The following RNF17 variants were observed in gnomAD, a reference collection of about 807,000 sequenced individuals.
RNF17 encodes the protein spermatogenesis associated 23.
In RNF17, 31 loss-of-function variants were observed where a neutral mutation model predicts 200.5. The ratio of observed to expected loss-of-function variants is 0.15; its 90% CI spans 0.12 to 0.21. The LOEUF (loss-of-function observed/expected upper bound fraction) is 0.21, where lower values mean the gene tolerates loss of function less well. Ranked by LOEUF, RNF17 falls within the 10% of genes least tolerant of loss-of-function variation. The pLI, the probability that RNF17 is intolerant of heterozygous loss-of-function variation, is 1.00. For missense variants in RNF17, 1,628 were observed against 1,905.1 expected (o/e 0.85, Z 2.71); for synonymous variants, 606 against 637.8 (o/e 0.95, Z 0.75).
At chr13:24,804,161 C>A in intron 14 of RNF17, 127 bp from the exon 15 acceptor site, 1 of 780,600 alleles carries the variant, frequency 1.3e-6, no homozygotes, top group Admixed American at 2.8e-5. Context: ...ACTTGGGAGG[C>A]TGAGGTGGGA....
rs1482612171 is a variant in RNF17 at position 24,827,709 on chromosome 13, AAAAAAAAAC to A, written c.2245+1946_2245+1954del. 5.0e-4 allele frequency among the ~76,000 whole-genome samples: 66 copies of A among 132,866 alleles called. 2 individuals carry two copies. The highest frequency in any genetic ancestry group is 1.2e-3 in the African/African-American group (37 of 29,740). The allele number at this position is 132,866 out of a possible 152,430, so 87.2% of individuals were successfully genotyped here. On this transcript the variant is annotated intron_variant, in intron 16 of 35. Transcript: ENST00000255324. Reference sequence around the variant, plus strand: ...AGAGCGAGACTCCGTCTCAAAAAAAAAAAAAAAACAAAAAAAAAAAAACAATAGAAATTT... The same window carrying A: ...AGAGCGAGACTCCGTCTCAAAAAAAAAAAAAAAAAAAAACAATAGAAATTT...
chr13:24,859,791 TTGA>T lies in RNF17; in HGVS notation c.3774+635_3774+637del, dbSNP rs1243927060. Among the ~76,000 whole-genome samples, 5 of 152,104 alleles carry T rather than the reference TTGA, an allele frequency of 3.3e-5. No homozygotes were observed. The East Asian group carries it at 9.6e-4, about 29-fold the overall frequency. On this transcript the variant is annotated intron_variant, in intron 26 of 35. Transcript: ENST00000255324. ...ACCTGGACAGGAGTTTATTTTCTGT[TTGA>T]TGATGATAACTAATGATTACATAGC...
intron 9 of RNF17, among the ~76,000 whole-genome samples, chr13:24,791,347 G>A (rs532318360): frequency 6.6e-6 from 1 of 152,250 alleles, no homozygotes; most frequent in East Asian, 1.9e-4. Context: ...GAGGCATGAG[G>A]AAAAGGGAAG....
rs540729598 is a variant in RNF17, at chr13:24,789,327, GA to G, written c.784-20del. The stretch of plus-strand genomic sequence containing the variant: ...TTTGTGACAAGATTCACACATGAAT[GA>G]TTTTTTTTTTAAATTCTAGATTATC... On this transcript the variant is annotated intron_variant, in intron 7 of 35. Coordinates refer to ENST00000255324, the MANE Select transcript of RNF17 (RefSeq NM_031277.3). 167 of 1,476,744 alleles carry G rather than the reference GA, an allele frequency of 1.1e-4. No homozygotes were observed. In the East Asian group the frequency reaches 3.5e-3, roughly 31 times the overall value. 91.5% of individuals were successfully genotyped at this position (1,476,744 alleles called of 1,614,324 possible).
chr13:24,771,400 G>A lies in RNF17; in HGVS notation c.226-3413G>A, dbSNP rs78480172. On this transcript the variant is annotated intron_variant, in intron 2 of 35. Transcript: ENST00000255324. ...GGCTAGGCTAGGTCCTTGCTATGTTGCCCAGGCTGGTCACGCCTTAGCCTT... is the reference window on the plus strand; with the variant it reads ...GGCTAGGCTAGGTCCTTGCTATGTTACCCAGGCTGGTCACGCCTTAGCCTT... Among the ~76,000 whole-genome samples, 107 of 121,260 alleles carry A rather than the reference G, an allele frequency of 8.8e-4. 1 individual carries two copies. In the East Asian group the frequency reaches 0.028, roughly 31 times the overall value. The allele number at this position is 121,260 out of a possible 152,430, so 79.6% of individuals were successfully genotyped here.
intron 32 of RNF17, among the ~76,000 whole-genome samples, chr13:24,872,135 T>C (rs1894352388): frequency 6.6e-6 from 1 of 151,698 alleles, no homozygotes; most frequent in Non-Finnish European, 1.5e-5. Flanking sequence ...TAATTTTGTA[T>C]TTTTAGTAGA....
At chr13:24,868,785 G>A (rs929972257) in intron 31 of RNF17, 69 bp downstream of exon 31, 2 of 811,168 alleles carry the variant, frequency 2.5e-6, no homozygotes, top group Non-Finnish European at 4.2e-6. Flanking sequence ...AACACTATAA[G>A]TGACTCTTCA....
rs201260951 is a variant in RNF17, at chr13:24,788,178, A to G, written c.783+19A>G. 111 of 1,543,198 alleles carry G rather than the reference A, an allele frequency of 7.2e-5. No homozygotes were observed. In the East Asian group the frequency reaches 1.6e-3, roughly 22 times the overall value. On this transcript the variant is annotated intron_variant, in intron 7 of 35. Transcript: ENST00000255324. ...GAATCAGGTAATTTAATAGTTCACA[A>G]TGTGAGTTATTTCTGTGGTAGCTTA...
intron 9 of RNF17, among the ~76,000 whole-genome samples, chr13:24,791,984 C>T (rs1190514171): frequency 6.6e-6 from 1 of 152,118 alleles, no homozygotes; most frequent in African/African-American, 2.4e-5. Flanking sequence ...GAGGGAAGAC[C>T]TTGCCAGAGG....
At chr13:24,830,207 T>G (rs1432420689) in intron 16 of RNF17, among the ~76,000 whole-genome samples, 1 of 152,220 alleles carries the variant, frequency 6.6e-6, no homozygotes, top group Non-Finnish European at 1.5e-5. Context: ...AGCCTGATTC[T>G]TAACTTTTAA....
At chr13:24,791,020 T>C (rs1446295) in intron 9 of RNF17, among the ~76,000 whole-genome samples, 149,564 of 152,300 alleles carry the variant, frequency 0.98, 73,477 homozygotes, top group Middle Eastern at 1. Flanking sequence ...TTAGACAATG[T>C]GGCATATTTC....
chr13:24,884,431 A>G, downstream of RNF17: 1 of 1,614,132 alleles, frequency 6.2e-7, no homozygotes, highest in Non-Finnish European at 8.5e-7. Flanking sequence ...GAAACAGTAT[A>G]ACACGGCACC....
At chr13:24,761,356 T>C (rs1003167055), upstream of RNF17, among the ~76,000 whole-genome samples, 1 of 152,208 alleles carries the variant, frequency 6.6e-6, no homozygotes, top group Non-Finnish European at 1.5e-5. Flanking sequence ...ACTTTGACCA[T>C]GGATTTGATT....
At chr13:24,759,107 CACTTACATTCTAAATT>C in the RNF17 span, among the ~76,000 whole-genome samples, 3 of 131,432 alleles carry the variant, frequency 2.3e-5, no homozygotes, top group Non-Finnish European at 4.9e-5. Context: ...AAAAAAACAA[CACTTACATTCTAAATT>C]AGAATTGAGT....
downstream of RNF17, chr13:24,883,832 C>G (rs181867635): frequency 1.3e-4 from 122 of 946,980 alleles, 1 homozygote; most frequent in African/African-American, 1.7e-3. Flanking sequence ...GCCTGTGGGA[C>G]ATTCATTCAA....
In RNF17 at chr13:24,843,870, T is replaced by G. The variant is rs1294478036; in HGVS notation, c.2730T>G (p.Phe910Leu). The change falls in exon 20 of 36, where the codon TTT becomes TTG. Residue 910 changes from phenylalanine (F) to leucine (L), a missense_variant. By Grantham distance (22) the Phe-to-Leu change is conservative (BLOSUM62 0). Transcript: ENST00000255324. ...CAAAATCTCTACCTAATGAGAATTT[T>G]CAGTCACTTTATAATAAGGAATTGC... ...VSAKSLPNEN[F>L]QSLYNKELPV... The G allele has an allele frequency of 6.2e-7, 1 of 1,602,012 alleles. No individual in the cohort carries two copies. Among genetic ancestry groups the G allele is most frequent in the Non-Finnish European group, 8.5e-7 (1 of 1,169,882 alleles).
chr13:24,860,884 T>TTA (rs1893023186), intron 26 of RNF17, among the ~76,000 whole-genome samples: 1 of 151,304 alleles, frequency 6.6e-6, no homozygotes, highest in South Asian at 2.1e-4. Flanking sequence ...CAGATGTCTT[T>TTA]TTTTTTTTTT....
chr13:24,856,294 T>C (rs1489121875), intron 25 of RNF17, among the ~76,000 whole-genome samples: 2 of 151,346 alleles, frequency 1.3e-5, no homozygotes, highest in Non-Finnish European at 2.9e-5. Context: ...GTGGCAGGCA[T>C]CTGTAATCCC....
rs778571991 is a variant in RNF17, at chr13:24,793,127, C to T, written c.1021C>T (p.Pro341Ser). 1.2e-6 allele frequency: 2 copies of T among 1,613,244 alleles called. No homozygotes were observed. The highest frequency in any genetic ancestry group is 8.5e-7 in the Non-Finnish European group (1 of 1,179,428). Residue 341 changes from proline to serine, a missense_variant, in exon 10 of 36, where the codon CCA becomes TCA. Physicochemically the swap from Pro to Ser is moderately conservative, Grantham distance 74 (BLOSUM62 -1). Transcript: ENST00000255324. ...KKELSCYDTY[P>S]PLEKKKVDMS... ...GGAACTTTCTTGTTACGATACATACCCACCGCTAGAAAAGAAAAAGGTTGA... is the reference window on the plus strand; with the variant it reads ...GGAACTTTCTTGTTACGATACATACTCACCGCTAGAAAAGAAAAAGGTTGA...
Sources: allele counts gnomAD v4.1 joint callset (sites outside exome capture counted in the v4.1 genomes callset), GRCh38; gene constraint gnomAD v4.1.1; transcripts MANE v1.5; gene names NCBI Gene and HGNC (gene_info 2026-07-23, HGNC 2026-07-21).